Variants in CERCAM observed in about 807,000 individuals in gnomAD.
The protein encoded by CERCAM is inactive glycosyltransferase 25 family member 3.
A neutral mutation model predicts 66.0 loss-of-function variants in CERCAM; 59 were observed. That is an observed-to-expected ratio of 0.89 (90% CI 0.73 to 1.11). The LOEUF is 1.11. CERCAM is among the 50% of genes most tolerant of loss of function. CERCAM has a pLI of 0.00. For synonymous variants in CERCAM, 318 were observed against 343.6 expected, an observed-to-expected ratio of 0.93 and a Z score of 0.83; for missense variants, 840 against 828.3, an observed-to-expected ratio of 1.01 and a Z score of -0.17.
At chr9:128,436,487 ATCT>A (rs1834117346) in intron 12 of CERCAM, among the ~76,000 whole-genome samples, 2 of 152,110 alleles carry the variant, frequency 1.3e-5, no homozygotes, top group Admixed American at 1.3e-4. Flanking sequence ...ACCTGAGGTG[ATCT>A]GCCCGCCTCA....
At chr9:128,436,658 G>A (rs1834121323) in intron 12 of CERCAM, among the ~76,000 whole-genome samples, 191 bp from the exon 13 acceptor site, 1 of 152,214 alleles carries the variant, frequency 6.6e-6, no homozygotes, top group Admixed American at 6.5e-5. Flanking sequence ...GGGGATTACA[G>A]GCGTGAGCCA....
Position 128,434,677 on chromosome 9 carries a change from G to A in CERCAM, c.1535+64G>A. On this transcript the variant is annotated intron_variant, in intron 11 of 12. Coordinates refer to ENST00000372838, the MANE Select transcript of CERCAM (RefSeq NM_016174.5). This position sits in a 1 kb window ranked among gnomAD's most constrained non-coding sequence, Gnocchi z 4.5. ...GCGTCCCCTCCAGGAACTCACCTCA[G>A]TCAGCAGGAAGTCCCCTCACCTGGC... The A allele has an allele frequency of 6.7e-7, 1 of 1,502,978 alleles. No homozygotes were observed. Among genetic ancestry groups the A allele is most frequent in the Non-Finnish European group, 9.0e-7 (1 of 1,108,716 alleles). The allele number at this position is 1,502,978 out of a possible 1,614,324, so 93.1% of individuals were successfully genotyped here.
chr9:128,433,009 G>A (rs560869501), intron 9 of CERCAM, among the ~76,000 whole-genome samples: 199 of 152,228 alleles, frequency 1.3e-3, no homozygotes, highest in African/African-American at 4.5e-3. Context: ...GCCGGGCGCC[G>A]TGGCTCACGC....
Position 128,434,355 on chromosome 9 carries a change from G to C in CERCAM, c.1332-55G>C. On this transcript the variant is annotated intron_variant, in intron 10 of 12. Transcript: ENST00000372838. This position sits in a 1 kb window ranked among gnomAD's most constrained non-coding sequence, Gnocchi z 4.5. ...GCCCTGTAGGAGCGGGTGTGGGAGG[G>C]TCCCATGACACCCAGGACCTAAGTG... is the stretch of plus-strand genomic sequence containing the variant. The C allele has an allele frequency of 6.2e-7, 1 of 1,606,508 alleles. No homozygotes were observed. The highest frequency in any genetic ancestry group is 1.1e-5 in the South Asian group (1 of 90,816).
Position 128,424,584 on chromosome 9 carries a change from A to T in CERCAM, c.736A>T (p.Ile246Phe). ...PNYTWPFDDI[I>F]VFAYACQAAG... ...CTACACTTGGCCTTTCGACGACATC[A>T]TCGTCTTCGCCTATGCCTGCCAGGC... The change falls in exon 5 of 13, where the codon ATC becomes TTC. Residue 246 changes from isoleucine to phenylalanine, a missense_variant. Transcript: ENST00000372838. The T allele has an allele frequency of 6.2e-7, 1 of 1,614,154 alleles. No individual in the cohort carries two copies. The highest frequency in any genetic ancestry group is 8.5e-7 in the Non-Finnish European group (1 of 1,180,030).
chr9:128,428,834 G>C lies in CERCAM; in HGVS notation c.963+1G>C. 1.9e-6 allele frequency: 3 copies of C among 1,613,970 alleles called. No individual in the cohort carries two copies. Among genetic ancestry groups the C allele is most frequent in the East Asian group, 2.2e-5 (1 of 44,870 alleles). ...GCCCAGCAAGATAGGGTTTGACGAG[G>C]TAAGTCCCCCAGCCTGTGGGCTCGC... On this transcript the variant is annotated splice_donor_variant, in intron 7 of 12. Coordinates refer to ENST00000372838, the MANE Select transcript of CERCAM (RefSeq NM_016174.5). LOFTEE classifies it high-confidence loss of function.
intron 5 of CERCAM, chr9:128,427,764 CA>C (rs879285710): frequency 2.8e-3 from 354 of 128,124 alleles, no homozygotes; most frequent in African/African-American, 3.4e-3. Flanking sequence ...GACTCCATCT[CA>C]AAAAAAAAAA....
intron 9 of CERCAM, among the ~76,000 whole-genome samples, chr9:128,433,755 A>G (rs1160646989): frequency 2.0e-5 from 3 of 152,142 alleles, no homozygotes; most frequent in African/African-American, 7.2e-5. Context: ...TTGGACAGGC[A>G]GTTTCCCATC....
At chr9:128,421,095 C>T in intron 1 of CERCAM, 21 bp downstream of exon 1, 1 of 1,279,422 alleles carries the variant, frequency 7.8e-7, no homozygotes, top group Non-Finnish European at 9.9e-7. Flanking sequence ...CGGGCATTGG[C>T]ACCGAGTGGG....
At position 128,423,170 on chromosome 9, in the gene CERCAM, C is replaced by G; in HGVS notation, c.333C>G (p.Pro111=). 6.2e-7 allele frequency: 1 copy of G among 1,614,106 alleles called. No homozygotes were observed. Among genetic ancestry groups the G allele is most frequent in the Non-Finnish European group, 8.5e-7 (1 of 1,180,012 alleles). Reference sequence around the variant, plus strand: ...GGTTCTACCCAGATGAAGAGGGTCCCAAGCACTGGACCAAAGAAAGGCACC... The same window carrying G: ...GGTTCTACCCAGATGAAGAGGGTCCGAAGCACTGGACCAAAGAAAGGCACC... ...EPRFYPDEEG[P]KHWTKERHQF... Residue 111 remains proline (P), a synonymous_variant, in exon 3 of 13, where the codon CCC becomes CCG. Transcript: ENST00000372838.
chr9:128,423,884 T>C (rs1410239148), intron 3 of CERCAM, among the ~76,000 whole-genome samples: 1 of 152,130 alleles, frequency 6.6e-6, no homozygotes, highest in African/African-American at 2.4e-5. Context: ...TTTGGATCCA[T>C]TTTCTAAGCC....
intron 11 of CERCAM, among the ~76,000 whole-genome samples, chr9:128,435,008 A>G (rs200856603): frequency 1.6e-5 from 1 of 62,816 alleles, no homozygotes; most frequent in Non-Finnish European, 3.2e-5. Flanking sequence ...TTATTTATTT[A>G]TTTTTGAGAT....
chr9:128,424,765 C>CTT (rs767789425), intron 5 of CERCAM, 151 bp downstream of exon 5: 1,100 of 572,262 alleles, frequency 1.9e-3, no homozygotes, highest in Middle Eastern at 2.8e-3. Context: ...TTTTCTCTCT[C>CTT]TTTTTTTTTT....
At chr9:128,428,551 C>T (rs1833900055) in intron 6 of CERCAM, 130 bp downstream of exon 6, 1 of 1,248,212 alleles carries the variant, frequency 8.0e-7, no homozygotes, top group East Asian at 2.5e-5. Flanking sequence ...TAACTCGTTC[C>T]ATGACTCTGA....
chr9:128,422,750 C>T (rs1833739403), intron 1 of CERCAM, 118 bp from the exon 2 acceptor site: 11 of 1,156,598 alleles, frequency 9.5e-6, no homozygotes, highest in Non-Finnish European at 1.3e-5. Flanking sequence ...AGCACACCTA[C>T]CCTTCACTGT....
Position 128,428,770 on chromosome 9 carries a change from C to T in CERCAM, c.900C>T (p.Arg300=), listed in dbSNP as rs1164457688. The stretch of plus-strand genomic sequence containing the variant: ...TTCCCTTTGCAGTGGACGGCCCCCG[C>T]ATGCAGGCCTCAGCTCATGTGACTC... ...LILEALVDGP[R]MQASAHVTRP... The change falls in exon 7 of 13, where the codon CGC becomes CGT. Residue 300 remains arginine, a synonymous_variant. Coordinates refer to ENST00000372838, the MANE Select transcript of CERCAM (RefSeq NM_016174.5). 6.2e-7 allele frequency: 1 copy of T among 1,613,860 alleles called. No homozygotes were observed. The highest frequency in any genetic ancestry group is 1.3e-5 in the African/African-American group (1 of 74,896).
chr9:128,426,675 G>A (rs1429330202), intron 5 of CERCAM, among the ~76,000 whole-genome samples: 1 of 152,024 alleles, frequency 6.6e-6, no homozygotes, highest in Non-Finnish European at 1.5e-5. Flanking sequence ...AGACACTGAT[G>A]TTGGAGTGAA....
intron 11 of CERCAM, among the ~76,000 whole-genome samples, chr9:128,435,427 C>T (rs1208323199): frequency 6.6e-6 from 1 of 152,202 alleles, no homozygotes; most frequent in Non-Finnish European, 1.5e-5. Flanking sequence ...AGCCACTGCG[C>T]TCGGCTGCAT....
chr9:128,433,959 A>G (rs1834039573), intron 9 of CERCAM, 143 bp from the exon 10 acceptor site: 3 of 1,039,242 alleles, frequency 2.9e-6, no homozygotes, highest in Non-Finnish European at 4.1e-6. Context: ...GGTCCCAGGC[A>G]GTGGGGCCCC....
Sources: allele counts gnomAD v4.1 joint callset (sites outside exome capture counted in the v4.1 genomes callset), GRCh38; gene constraint gnomAD v4.1.1; non-coding constraint Gnocchi (gnomAD v3.1); transcripts MANE v1.5; gene names NCBI Gene and HGNC (gene_info 2026-07-23, HGNC 2026-07-21).